The following DOCK2 variants were observed in gnomAD, a reference collection of about 807,000 sequenced individuals.
The protein encoded by DOCK2 is dedicator of cytokinesis protein 2.
In DOCK2, 87 loss-of-function variants were observed where a neutral mutation model predicts 248.9. That is an observed-to-expected ratio of 0.35 (90% CI 0.29 to 0.42). DOCK2 has a LOEUF of 0.42. Among genes scored for constraint, DOCK2 ranks in the 10% least tolerant of loss-of-function variants. The pLI is 1.00. For synonymous variants in DOCK2, 805 were observed against 821.6 expected (o/e 0.98, Z 0.35); for missense variants, 1,747 against 2,300.2 (o/e 0.76, Z 4.92).
rs766002560 is a variant in DOCK2 at position 170,018,946 on chromosome 5, C to G, written c.3233-14C>G. 1 of 1,613,292 alleles carries G rather than the reference C, an allele frequency of 6.2e-7. No individual in the cohort carries two copies. Among genetic ancestry groups the G allele is most frequent in the Non-Finnish European group, 8.5e-7 (1 of 1,179,444 alleles). ...CGAACTGTTTTATGTGTTCATGTTC[C>G]TCTTCTCTTTCAGGTCAGAACAAAA... On this transcript the variant is annotated splice_polypyrimidine_tract_variant and intron_variant, in intron 32 of 51. Transcript: ENST00000520908.
intron 14 of DOCK2, among the ~76,000 whole-genome samples, chr5:169,706,328 T>C (rs1409831386): frequency 1.3e-5 from 2 of 152,210 alleles, no homozygotes; most frequent in Non-Finnish European, 2.9e-5. Flanking sequence ...TCAACAGATA[T>C]AAATCTTTGT....
At chr5:169,830,251 T>C (rs1769132986) in intron 26 of DOCK2, among the ~76,000 whole-genome samples, 1 of 152,212 alleles carries the variant, frequency 6.6e-6, no homozygotes, top group Non-Finnish European at 1.5e-5. Context: ...TTCTGTGAAT[T>C]AAATGAGGTG....
At position 169,637,293 on chromosome 5, in the gene DOCK2, TC is replaced by T; in HGVS notation, c.-30del. ...GGCGCCCAGCCACCCCCTGACGGCT[TC>T]CCCACGGGAGGACGCGAGGCCCCGG... On this transcript the variant is annotated 5_prime_UTR_variant, in exon 1 of 52. Transcript: ENST00000520908. The T allele has an allele frequency of 2.1e-6, 3 of 1,430,298 alleles. No individual in the cohort carries two copies. The highest frequency in any genetic ancestry group is 9.1e-7 in the Non-Finnish European group (1 of 1,096,044). 88.6% of individuals were successfully genotyped at this position (1,430,298 alleles called of 1,614,324 possible).
chr5:169,691,896 G>A (rs1011959011), intron 9 of DOCK2, among the ~76,000 whole-genome samples: 8 of 149,442 alleles, frequency 5.4e-5, no homozygotes, highest in South Asian at 2.1e-4. Context: ...TTGCTCTGTC[G>A]CCAGGCTGGA....
intron 26 of DOCK2, among the ~76,000 whole-genome samples, chr5:169,839,346 C>G (rs1338050514): frequency 6.6e-6 from 1 of 152,186 alleles, no homozygotes; most frequent in Non-Finnish European, 1.5e-5. Context: ...AGGTCCACAT[C>G]GACCTTGAGA....
At chr5:170,018,414 T>A (rs1222810119) in intron 32 of DOCK2, among the ~76,000 whole-genome samples, 1 of 152,166 alleles carries the variant, frequency 6.6e-6, no homozygotes, top group Non-Finnish European at 1.5e-5. Flanking sequence ...AGGGAATGCC[T>A]TGAAATGAGG....
chr5:169,778,675 T>C (rs139550708), intron 25 of DOCK2, among the ~76,000 whole-genome samples: 48 of 152,312 alleles, frequency 3.2e-4, no homozygotes, highest in African/African-American at 1.2e-3. Context: ...CATTAAAGAA[T>C]TTGCACATTG....
intron 8 of DOCK2, among the ~76,000 whole-genome samples, chr5:169,687,216 G>C (rs1760035851): frequency 6.6e-6 from 1 of 152,084 alleles, no homozygotes; most frequent in Non-Finnish European, 1.5e-5. Flanking sequence ...CAATGAGAAA[G>C]CATTAAAAAT....
At position 170,082,844 on chromosome 5, in the gene DOCK2, T is replaced by C. The variant is rs754363622; in HGVS notation, c.5479T>C (p.Ser1827Pro). ...AGGCAAACAGATCCCAGACTCGCTGTCCACGGACCTGTGAGCTGCTGCTGA... is the reference window on the plus strand; with the variant it reads ...AGGCAAACAGATCCCAGACTCGCTGCCCACGGACCTGTGAGCTGCTGCTGA... ...EEGKQIPDSL[S>P]TDL The change falls in exon 52 of 52, where the codon TCC becomes CCC. Residue 1827 changes from serine (S) to proline (P), a missense_variant. Physicochemically the swap from Ser to Pro is moderately conservative, Grantham distance 74. Around this residue, in one of 4 missense-constraint regions of DOCK2, gnomAD observed 513 missense variants for 586.1 expected, o/e 0.88. Transcript: ENST00000520908. 1.2e-6 allele frequency: 2 copies of C among 1,614,188 alleles called. No individual in the cohort carries two copies. The highest frequency in any genetic ancestry group is 2.2e-5 in the South Asian group (2 of 91,082).
At chr5:170,065,600 G>A (rs113494714) in intron 44 of DOCK2, among the ~76,000 whole-genome samples, 1,745 of 152,316 alleles carry the variant, frequency 0.011, 19 homozygotes, top group Middle Eastern at 0.058. Context: ...GGCTAGGGAG[G>A]CCTCACAACC....
chr5:169,953,633 A>G (rs887536811), intron 27 of DOCK2, among the ~76,000 whole-genome samples: 1 of 152,202 alleles, frequency 6.6e-6, no homozygotes, highest in African/African-American at 2.4e-5. Context: ...TGTGGGCAGA[A>G]GAGTTCACAG....
At chr5:169,995,327 C>T (rs58971540) in intron 29 of DOCK2, among the ~76,000 whole-genome samples, 6,603 of 152,196 alleles carry the variant, frequency 0.043, 412 homozygotes, top group African/African-American at 0.14. Context: ...CTGCACCCGG[C>T]CCATTTGAAC....
At chr5:169,947,092 C>T (rs1414009058) in intron 27 of DOCK2, among the ~76,000 whole-genome samples, 2 of 152,204 alleles carry the variant, frequency 1.3e-5, no homozygotes, top group Non-Finnish European at 2.9e-5. Flanking sequence ...CTTTACACAA[C>T]ACTATGACTC....
chr5:169,696,556 C>CTAA (rs1760640163), intron 10 of DOCK2, among the ~76,000 whole-genome samples: 1 of 152,204 alleles, frequency 6.6e-6, no homozygotes, highest in South Asian at 2.1e-4. Context: ...TTTAATCAAC[C>CTAA]TGCTTTACAT....
intron 27 of DOCK2, among the ~76,000 whole-genome samples, chr5:169,849,036 C>T (rs1210516786): frequency 1.3e-5 from 2 of 152,068 alleles, no homozygotes; most frequent in Non-Finnish European, 2.9e-5. Context: ...AGTAGCAACT[C>T]CTCCCAACCC....
In DOCK2 at chr5:169,699,337, A is replaced by G. The variant is rs1310878649; in HGVS notation, c.1056-45A>G. 1.9e-6 allele frequency: 3 copies of G among 1,589,394 alleles called. No homozygotes were observed. The South Asian group carries it at 3.4e-5, about 18-fold the overall frequency. ...GATTCATGGGACCCCTTGAAACGCA[A>G]GGAGGACACGATGTGGACATTTCAT... On this transcript the variant is annotated intron_variant, in intron 11 of 51. Transcript: ENST00000520908.
Position 169,840,350 on chromosome 5 carries a change from A to G in DOCK2, c.2704-407A>G, listed in dbSNP as rs910530297. Among the ~76,000 whole-genome samples the G allele has an allele frequency of 3.3e-5, 5 of 152,294 alleles. No individual in the cohort carries two copies. In the South Asian group the frequency reaches 1.0e-3, roughly 32 times the overall value. On this transcript the variant is annotated intron_variant, in intron 26 of 51. Transcript: ENST00000520908. ...CACTCCCATGATCCAATTGCCTTCTACGAGGCCCCACCTCCAACACTGGGG... is the reference window on the plus strand; with the variant it reads ...CACTCCCATGATCCAATTGCCTTCTGCGAGGCCCCACCTCCAACACTGGGG...
chr5:170,076,359 G>A (rs1757840154), intron 47 of DOCK2, among the ~76,000 whole-genome samples: 1 of 152,206 alleles, frequency 6.6e-6, no homozygotes, highest in African/African-American at 2.4e-5. Flanking sequence ...CACTGATGCA[G>A]CATCTACTAT....
rs566044487 is a variant in DOCK2, at chr5:169,927,916, C to T, written c.2800-55152C>T. Among the ~76,000 whole-genome samples the T allele has an allele frequency of 1.3e-3, 204 of 152,192 alleles. 2 individuals are homozygous for T. The South Asian group carries it at 0.041, about 31-fold the overall frequency. ...CAGGCATGAGACACTGCTCCCGGCCCGAAAAATTCTTTATTCAGGGCTGGA... is the reference window on the plus strand; with the variant it reads ...CAGGCATGAGACACTGCTCCCGGCCTGAAAAATTCTTTATTCAGGGCTGGA... On this transcript the variant is annotated intron_variant, in intron 27 of 51. Transcript: ENST00000520908.
Sources: allele counts gnomAD v4.1 joint callset (sites outside exome capture counted in the v4.1 genomes callset), GRCh38; gene constraint gnomAD v4.1.1; regional missense constraint gnomAD v4.1.1; transcripts MANE v1.5; gene names NCBI Gene and HGNC (gene_info 2026-07-23, HGNC 2026-07-21).